KLKB1: variants seen among roughly 807,000 people sequenced by gnomAD.
KLKB1 encodes plasma kallikrein.
A neutral mutation model predicts 73.6 loss-of-function variants in KLKB1; 58 were observed. That is an observed-to-expected ratio of 0.79 (90% confidence interval 0.64 to 0.98). The LOEUF is 0.98. Ranked by LOEUF, KLKB1 falls within the 50% of genes least tolerant of loss-of-function variation. The pLI, the probability that KLKB1 is intolerant of heterozygous loss-of-function variation, is 0.00. For synonymous variants in KLKB1, 280 were observed against 258.1 expected, an observed-to-expected ratio of 1.08 and a Z score of -0.81; for missense variants, 737 against 763.8, an observed-to-expected ratio of 0.96 and a Z score of 0.41.
At chr4:186,242,869 T>C (rs4253360) in intron 6 of KLKB1, among the ~76,000 whole-genome samples, 3,792 of 149,912 alleles carry the variant, frequency 0.025, 170 homozygotes, top group African/African-American at 0.088. Context: ...ATGAAGGTTT[T>C]ACTGAATACC....
In KLKB1 at chr4:186,253,100, CGTT is replaced by C. The variant is rs985371639; in HGVS notation, c.1313+920_1313+922del. Among the ~76,000 whole-genome samples, 4 of 152,192 alleles carry C rather than the reference CGTT, an allele frequency of 2.6e-5. No individual in the cohort carries two copies. The South Asian group carries it at 6.2e-4, about 24-fold the overall frequency. On this transcript the variant is annotated intron_variant, in intron 11 of 14. Transcript: ENST00000264690. Reference sequence around the variant, plus strand: ...AATAGTAATAGTCCCGAATTTGTAACGTTGTTGGGAAGATTAAGTGACACATTT... The same window carrying C: ...AATAGTAATAGTCCCGAATTTGTAACGTTGGGAAGATTAAGTGACACATTT...
At chr4:186,247,555 G>A (rs780888820) in intron 6 of KLKB1, among the ~76,000 whole-genome samples, 23 of 152,192 alleles carry the variant, frequency 1.5e-4, no homozygotes, top group Admixed American at 6.5e-5. Context: ...CTGGATGTAT[G>A]CATGTAGGCT....
chr4:186,211,575 G>A (rs1444185380), intron 2 of KLKB1: 1 of 152,076 alleles, frequency 6.6e-6, no homozygotes, highest in Non-Finnish European at 1.5e-5. Context: ...GCCTCCCAAA[G>A]TGCTGGCATT....
chr4:186,251,404 A>G (rs1257112672), intron 8 of KLKB1, 76 bp downstream of exon 8: 3 of 1,519,688 alleles, frequency 2.0e-6, no homozygotes, highest in South Asian at 1.1e-5. Flanking sequence ...TGATGAAACA[A>G]TCCTCAAGGT....
Position 186,236,747 on chromosome 4 carries a change from G to A in KLKB1, c.329-34G>A, listed in dbSNP as rs114027995. 6.6e-4 allele frequency: 1,066 copies of A among 1,609,942 alleles called. 9 individuals carry two copies. In the African/African-American group the frequency reaches 0.013, roughly 19 times the overall value. On this transcript the variant is annotated intron_variant, in intron 4 of 14. Transcript: ENST00000264690. ...CTAATCTACCTCTAGAAAGAAAATG[G>A]ACTGTATTTGCTCTATGTATTTTTC...
intron 2 of KLKB1, among the ~76,000 whole-genome samples, chr4:186,217,892 T>C (rs1736942189): frequency 6.6e-6 from 1 of 152,244 alleles, no homozygotes; most frequent in Admixed American, 6.5e-5. Context: ...TCAGTCGAAG[T>C]ATTTTGACAG....
chr4:186,223,759 G>A (rs1361341120), upstream of KLKB1, among the ~76,000 whole-genome samples: 1 of 152,196 alleles, frequency 6.6e-6, no homozygotes, highest in East Asian at 1.9e-4. Flanking sequence ...CTGACCATGT[G>A]GTAGAAAAGA....
At chr4:186,245,332 G>A (rs1326333944) in intron 6 of KLKB1, among the ~76,000 whole-genome samples, 1 of 152,188 alleles carries the variant, frequency 6.6e-6, no homozygotes, top group Non-Finnish European at 1.5e-5. Flanking sequence ...CATCTGTGAT[G>A]GTCCAGGAGG....
intron 7 of KLKB1, 156 bp from the exon 8 acceptor site, chr4:186,251,063 T>C: frequency 1.6e-6 from 1 of 620,108 alleles, no homozygotes; most frequent in Non-Finnish European, 2.8e-6. Context: ...CTCTGCAATT[T>C]ATTAGAGTCC....
upstream of KLKB1, among the ~76,000 whole-genome samples, chr4:186,222,036 G>A (rs72710554): frequency 5.9e-5 from 9 of 152,272 alleles, no homozygotes; most frequent in Non-Finnish European, 1.2e-4. Flanking sequence ...TCTTGTGACA[G>A]TATTTGACTT....
chr4:186,243,242 C>T (rs1364416128), intron 6 of KLKB1, among the ~76,000 whole-genome samples: 4 of 152,058 alleles, frequency 2.6e-5, no homozygotes, highest in Non-Finnish European at 4.4e-5. Flanking sequence ...TAGATTTTTA[C>T]GACGGAAAGG....
chr4:186,242,073 G>A (rs1738081002), intron 6 of KLKB1, among the ~76,000 whole-genome samples: 1 of 152,098 alleles, frequency 6.6e-6, no homozygotes. Flanking sequence ...AAGGGAGATG[G>A]GGTGGGGACG....
intron 2 of KLKB1, among the ~76,000 whole-genome samples, chr4:186,219,635 C>T (rs1195295071): frequency 2.6e-5 from 4 of 152,150 alleles, no homozygotes; most frequent in Admixed American, 1.3e-4. Context: ...CAGCTGGTCA[C>T]GTGGGCATAG....
intron 12 of KLKB1, among the ~76,000 whole-genome samples, chr4:186,255,366 G>A (rs190531695): frequency 3.9e-5 from 6 of 152,260 alleles, no homozygotes; most frequent in African/African-American, 1.4e-4. Context: ...TTTGAGACCA[G>A]CCTGGGCAAC....
chr4:186,236,662 G>A, intron 4 of KLKB1, 119 bp from the exon 5 acceptor site: 1 of 859,290 alleles, frequency 1.2e-6, no homozygotes, highest in Non-Finnish European at 1.9e-6. Flanking sequence ...AGTTAATATA[G>A]CAGTTGCCAA....
At chr4:186,231,466 A>G (rs1022626483) in intron 2 of KLKB1, among the ~76,000 whole-genome samples, 1 of 152,264 alleles carries the variant, frequency 6.6e-6, no homozygotes, top group Non-Finnish European at 1.5e-5. Flanking sequence ...TAGCATATGC[A>G]TGCATTTGCT....
At position 186,254,571 on chromosome 4, in the gene KLKB1, T is replaced by C. The variant is rs1738880618; in HGVS notation, c.1314-17T>C. Reference sequence around the variant, plus strand: ...GGACTGCCCAGTTTCAAACAGGTATTTATTTTTCTCTCCTAGGCTTCCCCT... The same window carrying C: ...GGACTGCCCAGTTTCAAACAGGTATCTATTTTTCTCTCCTAGGCTTCCCCT... On this transcript the variant is annotated splice_polypyrimidine_tract_variant and intron_variant, in intron 11 of 14. Coordinates refer to ENST00000264690, the MANE Select transcript of KLKB1 (RefSeq NM_000892.5). 1 of 1,610,968 alleles carries C rather than the reference T, an allele frequency of 6.2e-7. No individual in the cohort carries two copies. The highest frequency in any genetic ancestry group is 1.7e-5 in the Admixed American group (1 of 60,018).
intron 4 of KLKB1, among the ~76,000 whole-genome samples, chr4:186,236,523 A>G (rs909542344): frequency 2.0e-5 from 3 of 152,204 alleles, no homozygotes; most frequent in African/African-American, 7.2e-5. Context: ...GTATTGCTGC[A>G]TGCATCTTGC....
intron 2 of KLKB1, chr4:186,212,600 C>T (rs1736761777): frequency 6.6e-6 from 1 of 152,228 alleles, no homozygotes; most frequent in Non-Finnish European, 1.5e-5. Flanking sequence ...TCCAATCTCT[C>T]ATAGTGCCTC....
Sources: gnomAD v4.1 joint callset for allele counts (sites outside exome capture counted in the v4.1 genomes callset) on GRCh38, gnomAD v4.1.1 for gene constraint, MANE v1.5 for transcripts, NCBI Gene and HGNC (gene_info 2026-07-23, HGNC 2026-07-21) for gene names.